The following NDUFAF2 variants were observed in gnomAD, a reference collection of about 807,000 sequenced individuals.
The protein encoded by NDUFAF2 is NADH:ubiquinone oxidoreductase complex assembly factor 2, also known as NADH dehydrogenase [ubiquinone] 1 alpha subcomplex assembly factor 2.
Under a neutral mutation model 22.8 loss-of-function variants are expected in NDUFAF2, and 13 were observed. The observed-to-expected ratio is 0.57, with a 90% confidence interval of 0.37 to 0.91. NDUFAF2 has a LOEUF of 0.91. NDUFAF2 is among the 40% of genes least tolerant of loss of function. The probability of loss-of-function intolerance (pLI) is 0.01; values close to 1 mark genes in which losing one functional copy is unlikely to be tolerated. For missense variants in NDUFAF2, 162 were observed against 195.2 expected, an observed-to-expected ratio of 0.83 and a Z score of 1.01; for synonymous variants, 53 against 64.2, an observed-to-expected ratio of 0.83 and a Z score of 0.84.
chr5:60,965,555 T>C (rs1393760687), intron 1 of NDUFAF2, among the ~76,000 whole-genome samples: 1 of 152,152 alleles, frequency 6.6e-6, no homozygotes, highest in African/African-American at 2.4e-5. Context: ...ACCACCATTC[T>C]ACCCTTTGTT....
intron 1 of NDUFAF2, among the ~76,000 whole-genome samples, chr5:60,971,144 G>GT (rs113992508): frequency 0.57 from 84,503 of 147,612 alleles, 25,157 homozygotes; most frequent in East Asian, 0.94. Context: ...TTCTTTTTTC[G>GT]TTTTTTTTTT....
At chr5:61,010,859 G>A (rs73759455) in intron 1 of NDUFAF2, among the ~76,000 whole-genome samples, 2,628 of 152,140 alleles carry the variant, frequency 0.017, 79 homozygotes, top group African/African-American at 0.06. Context: ...CTTCTGTAAC[G>A]TATCACTAAA....
intron 1 of NDUFAF2, chr5:61,050,420 C>T (rs1752011129): frequency 6.6e-6 from 1 of 151,940 alleles, no homozygotes; most frequent in African/African-American, 2.4e-5. Context: ...GCTGACTGAC[C>T]CTTTTCTACT....
intron 3 of NDUFAF2, among the ~76,000 whole-genome samples, chr5:61,125,272 CTTGGA>C (rs1238562440): frequency 2.0e-5 from 3 of 152,018 alleles, no homozygotes; most frequent in Non-Finnish European, 4.4e-5. Flanking sequence ...CTCCTAAATT[CTTGGA>C]TGCTTTGTAG....
chr5:61,096,998 A>G (rs1752652447), intron 2 of NDUFAF2, among the ~76,000 whole-genome samples: 1 of 152,182 alleles, frequency 6.6e-6, no homozygotes, highest in Admixed American at 6.5e-5. Context: ...TGCAGAAAGA[A>G]TAACAAGGGT....
intron 2 of NDUFAF2, among the ~76,000 whole-genome samples, chr5:61,074,869 CAATCAT>C (rs1302404125): frequency 2.0e-5 from 3 of 152,158 alleles, no homozygotes; most frequent in Non-Finnish European, 4.4e-5. Flanking sequence ...AGGAAATTTA[CAATCAT>C]GGCAGAAGGC....
intron 3 of NDUFAF2, among the ~76,000 whole-genome samples, chr5:61,130,116 T>G (rs1681060028): frequency 6.6e-6 from 1 of 152,130 alleles, no homozygotes; most frequent in Non-Finnish European, 1.5e-5. Flanking sequence ...AAAAAATGGT[T>G]TTACCTAGCA....
chr5:61,108,112 TG>T (rs1752791509), intron 3 of NDUFAF2, among the ~76,000 whole-genome samples: 1 of 149,468 alleles, frequency 6.7e-6, no homozygotes, highest in African/African-American at 2.5e-5. Context: ...GTTGGACATT[TG>T]GGTTGGTTCC....
At chr5:61,105,013 T>C (rs1345651424) in intron 3 of NDUFAF2, among the ~76,000 whole-genome samples, 1 of 152,074 alleles carries the variant, frequency 6.6e-6, no homozygotes, top group African/African-American at 2.4e-5. Flanking sequence ...TAAGCCTCCT[T>C]TTCCCATGGA....
intron 1 of NDUFAF2, among the ~76,000 whole-genome samples, chr5:60,986,654 G>A (rs1580081148): frequency 6.6e-6 from 1 of 152,058 alleles, no homozygotes; most frequent in African/African-American, 2.4e-5. Context: ...AAACTGGCCA[G>A]GCATGGTGGC....
chr5:60,978,199 C>G (rs1164051900), intron 1 of NDUFAF2, among the ~76,000 whole-genome samples: 1 of 152,024 alleles, frequency 6.6e-6, no homozygotes, highest in Admixed American at 6.6e-5. Context: ...TAAGACCAGC[C>G]CTAGTCAGAA....
chr5:61,133,455 G>A (rs562553345), intron 3 of NDUFAF2, among the ~76,000 whole-genome samples: 1 of 152,236 alleles, frequency 6.6e-6, no homozygotes, highest in Non-Finnish European at 1.5e-5. Flanking sequence ...TTCAAAAGTA[G>A]TAAACCGAGT....
At chr5:61,112,027 G>A (rs1280799137) in intron 3 of NDUFAF2, among the ~76,000 whole-genome samples, 1 of 152,088 alleles carries the variant, frequency 6.6e-6, no homozygotes, top group African/African-American at 2.4e-5. Flanking sequence ...AAAGACCTGG[G>A]ATTACAGGCG....
At chr5:61,121,180 T>TA (rs1248455816) in intron 3 of NDUFAF2, among the ~76,000 whole-genome samples, 1 of 152,166 alleles carries the variant, frequency 6.6e-6, no homozygotes, top group Admixed American at 6.6e-5. Context: ...GTTAGTCCTA[T>TA]AGTCATAAAG....
chr5:61,047,090 A>G (rs1301476216), intron 1 of NDUFAF2, among the ~76,000 whole-genome samples: 1 of 152,152 alleles, frequency 6.6e-6, no homozygotes, highest in Non-Finnish European at 1.5e-5. Context: ...CCCCTTCAGC[A>G]GCACAATGGC....
At chr5:60,947,195 A>G (rs1750473165) in intron 1 of NDUFAF2, among the ~76,000 whole-genome samples, 1 of 152,192 alleles carries the variant, frequency 6.6e-6, no homozygotes, top group South Asian at 2.1e-4. Context: ...AGAAACTACC[A>G]AACTGTTTTT....
intron 1 of NDUFAF2, among the ~76,000 whole-genome samples, chr5:61,057,786 C>T (rs893212403): frequency 1.3e-5 from 2 of 152,152 alleles, no homozygotes; most frequent in African/African-American, 4.8e-5. Context: ...TTCACAAATA[C>T]TAGTGTAGTT....
At chr5:61,069,139 T>C (rs1187238229) in intron 1 of NDUFAF2, among the ~76,000 whole-genome samples, 2 of 151,986 alleles carry the variant, frequency 1.3e-5, no homozygotes, top group Non-Finnish European at 2.9e-5. Flanking sequence ...TTTTTTTTTT[T>C]TTTTCCTGAC....
chr5:61,082,991 C>T (rs1018504055), intron 2 of NDUFAF2, among the ~76,000 whole-genome samples: 1 of 152,150 alleles, frequency 6.6e-6, no homozygotes, highest in Non-Finnish European at 1.5e-5. Flanking sequence ...ATAGTCCCAC[C>T]AACAGTGTAT....
Sources: gnomAD v4.1 joint callset for allele counts (sites outside exome capture counted in the v4.1 genomes callset) on GRCh38, gnomAD v4.1.1 for gene constraint, MANE v1.5 for transcripts, NCBI Gene and HGNC (gene_info 2026-07-23, HGNC 2026-07-21) for gene names.